SH3TC2: variants seen among roughly 807,000 people sequenced by gnomAD.
The protein encoded by SH3TC2 is SH3 domain and tetratricopeptide repeats 2.
In SH3TC2, 87 loss-of-function variants were observed where a neutral mutation model predicts 124.5. The observed-to-expected ratio is 0.70, with a 90% CI of 0.59 to 0.84. SH3TC2 has a LOEUF of 0.84. SH3TC2 is among the 40% of genes least tolerant of loss of function. SH3TC2 has a pLI of 0.00. For synonymous variants in SH3TC2, 634 were observed against 628.5 expected (o/e 1.01, Z -0.13); for missense variants, 1,536 against 1,566.4 (o/e 0.98, Z 0.33).
chr5:149,053,419 G>A (rs1580917925), intron 1 of SH3TC2, among the ~76,000 whole-genome samples: 1 of 152,336 alleles, frequency 6.6e-6, no homozygotes, highest in Non-Finnish European at 1.5e-5. Flanking sequence ...CATGAAGAAT[G>A]AAGTGGATTT....
rs1689601627 is a variant in SH3TC2 at position 149,003,848 on chromosome 5, TCA to T, written c.*861_*862del. 16 of 133,548 alleles carry T rather than the reference TCA, an allele frequency of 1.2e-4. No homozygotes were observed. Among genetic ancestry groups the T allele is most frequent in the East Asian group, 2.6e-4 (1 of 3,832 alleles). The allele number at this position is 133,548 out of a possible 1,614,324, so 8.3% of individuals were successfully genotyped here. Reference sequence around the variant, plus strand: ...CCTGGGCAACAGAGGAGAAACTGTCTCAAAAAAAAAAAAAAAAAAAAAAGACA... The same window carrying T: ...CCTGGGCAACAGAGGAGAAACTGTCTAAAAAAAAAAAAAAAAAAAAAGACA... On this transcript the variant is annotated 3_prime_UTR_variant, in exon 17 of 17. Transcript: ENST00000515425.
rs968712916 is a variant in SH3TC2, at chr5:148,999,990, C to G, written c.*4721G>C. Among the ~76,000 whole-genome samples, 3 of 152,158 alleles carry G rather than the reference C, an allele frequency of 2.0e-5. No individual in the cohort carries two copies. Among genetic ancestry groups the G allele is most frequent in the Non-Finnish European group, 4.4e-5 (3 of 68,034 alleles). On this transcript the variant is annotated 3_prime_UTR_variant, in exon 17 of 17. Coordinates refer to ENST00000515425, the MANE Select transcript of SH3TC2 (RefSeq NM_024577.4). ...ACATGCACTGTCTGTCAATACCAACCTGCTGGTCTGCAGTTAGAATTAAGT... is the reference window on the plus strand; with the variant it reads ...ACATGCACTGTCTGTCAATACCAACGTGCTGGTCTGCAGTTAGAATTAAGT...
In SH3TC2 at chr5:148,994,957, G is replaced by A. The variant is rs1018945514; in HGVS notation, c.*9754C>T. ...CCCAAGGAAAGAGACTTGGGATTAT[G>A]AAACAATACTCTGGACCACTCAGGC... On this transcript the variant is annotated 3_prime_UTR_variant, in exon 17 of 17. Transcript: ENST00000515425. Among the ~76,000 whole-genome samples the A allele has an allele frequency of 1.3e-5, 2 of 152,268 alleles. No individual in the cohort carries two copies. The highest frequency in any genetic ancestry group is 4.1e-4 in the South Asian group (2 of 4,826).
At position 149,003,545 on chromosome 5, in the gene SH3TC2, ACCACC is replaced by A. The variant is rs1230612924; in HGVS notation, c.*1161_*1165del. ...AGCCCCAGCTGATTGCAGCCTGTGA[ACCACC>A]CTAAGCTGGTGGGCTCAGCTAAGTC... On this transcript the variant is annotated 3_prime_UTR_variant, in exon 17 of 17. Transcript: ENST00000515425. 2 of 158,218 alleles carry A rather than the reference ACCACC, an allele frequency of 1.3e-5. No homozygotes were observed. The highest frequency in any genetic ancestry group is 2.8e-5 in the Non-Finnish European group (2 of 71,656). The allele number at this position is 158,218 out of a possible 1,614,324, so 9.8% of individuals were successfully genotyped here.
intron 9 of SH3TC2, among the ~76,000 whole-genome samples, chr5:149,031,338 A>G (rs1053611471): frequency 7.9e-5 from 12 of 152,116 alleles, no homozygotes; most frequent in African/African-American, 2.9e-4. Flanking sequence ...TGGTTTCATC[A>G]TGTCTCATAG....
chr5:149,026,606 G>A lies in SH3TC2; in HGVS notation c.3019C>T (p.Leu1007=), dbSNP rs1192936136. 25 of 1,614,198 alleles carry A rather than the reference G, an allele frequency of 1.5e-5. No homozygotes were observed. The highest frequency in any genetic ancestry group is 2.0e-5 in the Non-Finnish European group (24 of 1,180,044). The part of the protein sequence containing the change: ...REMEGRLLES[L]GQLYRNLNTA... ...TTTAGGTTCCGATAAAGCTGCCCCA[G>A]GGACTCCAGCAGCCTCCCTTCCATC... is the stretch of plus-strand genomic sequence containing the variant. The change falls in exon 12 of 17, where the codon CTG becomes TTG. Residue 1007 remains leucine (L), a synonymous_variant. Transcript: ENST00000515425.
Position 148,984,569 on chromosome 5 carries a change from T to C in SH3TC2, c.*20142A>G, listed in dbSNP as rs189978591. On this transcript the variant is annotated 3_prime_UTR_variant, in exon 17 of 17. Transcript: ENST00000515425. ...CATTCCTTGACTAAGTCGAAACCCC[T>C]GACTCAGTCTTCTGCCTCACTCTGG... Among the ~76,000 whole-genome samples, 436 of 152,252 alleles carry C rather than the reference T, an allele frequency of 2.9e-3. 2 individuals are homozygous for C. Among genetic ancestry groups the C allele is most frequent in the African/African-American group, 0.01 (417 of 41,552 alleles).
At chr5:149,017,080 C>T (rs1276019812) in intron 12 of SH3TC2, among the ~76,000 whole-genome samples, 1 of 152,164 alleles carries the variant, frequency 6.6e-6, no homozygotes, top group African/African-American at 2.4e-5. Context: ...TCCTTTGTGG[C>T]ACTTACCACA....
intron 9 of SH3TC2, among the ~76,000 whole-genome samples, 154 bp from the exon 10 acceptor site, chr5:149,028,872 C>A (rs879530175): frequency 6.6e-6 from 1 of 152,148 alleles, no homozygotes; most frequent in Non-Finnish European, 1.5e-5. Flanking sequence ...ATCCTTTCAC[C>A]CATCATCTTA....
In SH3TC2 at chr5:149,050,379, T is replaced by A. The variant is rs148293798; in HGVS notation, c.151+1763A>T. Among the ~76,000 whole-genome samples, 471 of 152,246 alleles carry A rather than the reference T, an allele frequency of 3.1e-3. 5 individuals are homozygous for A. Among genetic ancestry groups the A allele is most frequent in the African/African-American group, 0.011 (443 of 41,530 alleles). On this transcript the variant is annotated intron_variant, in intron 2 of 16. Coordinates refer to ENST00000515425, the MANE Select transcript of SH3TC2 (RefSeq NM_024577.4). ...TGCAACTGTACTCATTAAGGAGAGG[T>A]TGGCAGCTACAGCCATCTCCCCTTC...
chr5:149,046,418 T>C (rs756479186), intron 3 of SH3TC2: 3 of 152,242 alleles, frequency 2.0e-5, no homozygotes, highest in Non-Finnish European at 2.9e-5. Flanking sequence ...TAACCACTTC[T>C]GAACTAAAAG....
rs1347241469 is a variant in SH3TC2 at position 149,044,551 on chromosome 5, A to G, written c.367T>C (p.Ser123Pro). ...FKTMEEIWKF[S>P]TYLNLGYVSM... is the part of the protein sequence containing the mutation. ...ACCATACCTAAATTAAGGTAGGTGG[A>G]GAACTTCCAGATTTCCTCCATGGTC... Residue 123 changes from serine to proline, a missense_variant, in exon 4 of 17, where the codon TCC (serine) becomes CCC (proline). By Grantham distance (74) the Ser-to-Pro change is moderately conservative. This residue lies in a region of SH3TC2 where 1,102 missense variants were observed against 1,098.6 expected (regional missense o/e 1.00). Transcript: ENST00000515425. 2.5e-6 allele frequency: 4 copies of G among 1,613,772 alleles called. No homozygotes were observed. The highest frequency in any genetic ancestry group is 2.7e-5 in the African/African-American group (2 of 74,884).
At chr5:149,056,576 T>C (rs1436346830) in intron 1 of SH3TC2, among the ~76,000 whole-genome samples, 5 of 152,074 alleles carry the variant, frequency 3.3e-5, no homozygotes, top group African/African-American at 1.2e-4. Context: ...AGGAGTAGAG[T>C]TCTGAGGTGT....
intron 12 of SH3TC2, among the ~76,000 whole-genome samples, chr5:149,022,859 T>C (rs1754000211): frequency 6.6e-6 from 1 of 152,002 alleles, no homozygotes; most frequent in African/African-American, 2.4e-5. Context: ...TGACAGAAAG[T>C]AGATTAGTGG....
intron 8 of SH3TC2, among the ~76,000 whole-genome samples, chr5:149,038,080 G>C (rs1754312410): frequency 6.6e-6 from 1 of 152,182 alleles, no homozygotes; most frequent in South Asian, 2.1e-4. Context: ...TCCTTGCACA[G>C]AGGAAGTCCT....
intron 14 of SH3TC2, 146 bp downstream of exon 14, chr5:149,010,124 A>G (rs1042631253): frequency 4.7e-6 from 5 of 1,067,002 alleles, no homozygotes; most frequent in Non-Finnish European, 5.6e-6. Flanking sequence ...TTGAAGAGAG[A>G]GTGAGTAGGT....
chr5:149,014,252 T>C (rs1753833156), intron 12 of SH3TC2, among the ~76,000 whole-genome samples: 1 of 152,150 alleles, frequency 6.6e-6, no homozygotes, highest in Non-Finnish European at 1.5e-5. Context: ...AAAAGATTCA[T>C]TACAGTTGCA....
At chr5:149,023,603 A>ATTTTT in intron 12 of SH3TC2, among the ~76,000 whole-genome samples, 1 of 46,756 alleles carries the variant, frequency 2.1e-5, no homozygotes, top group African/African-American at 1.2e-4. Context: ...TTTTTTTTTG[A>ATTTTT]GAGACAGTCT....
At chr5:149,059,618 T>C (rs1184849626) in intron 1 of SH3TC2, among the ~76,000 whole-genome samples, 1 of 150,704 alleles carries the variant, frequency 6.6e-6, no homozygotes, top group African/African-American at 2.4e-5. Context: ...TCTACCCACA[T>C]GAATATATCT....
Sources: allele counts gnomAD v4.1 joint callset (sites outside exome capture counted in the v4.1 genomes callset), GRCh38; gene constraint gnomAD v4.1.1; regional missense constraint gnomAD v4.1.1; transcripts MANE v1.5; gene names NCBI Gene and HGNC (gene_info 2026-07-23, HGNC 2026-07-21).